NFU1: variants seen among roughly 807,000 people sequenced by gnomAD.
The protein encoded by NFU1 is NFU1 iron-sulfur cluster scaffold, also known as NFU1 iron-sulfur cluster scaffold homolog, mitochondrial.
NFU1 carries 30 observed loss-of-function variants against 32.2 expected under a neutral mutation model. That is an observed-to-expected ratio of 0.93 (90% CI 0.70 to 1.26). The LOEUF (loss-of-function observed/expected upper bound fraction) is 1.26. Ranked by LOEUF, NFU1 falls within the 50% of genes most tolerant of loss-of-function variation. The pLI, the probability that NFU1 is intolerant of heterozygous loss-of-function variation, is 0.00. For synonymous variants in NFU1, 112 were observed against 104.6 expected, an observed-to-expected ratio of 1.07 and a Z score of -0.43; for missense variants, 306 against 306.6, an observed-to-expected ratio of 1.00 and a Z score of 0.02.
intron 5 of NFU1, among the ~76,000 whole-genome samples, chr2:69,406,873 C>A (rs1289185873): frequency 6.6e-6 from 1 of 152,126 alleles, no homozygotes; most frequent in African/African-American, 2.4e-5. Context: ...TGGGAGGTAA[C>A]TGAATCATGG....
intron 6 of NFU1, among the ~76,000 whole-genome samples, chr2:69,405,560 T>C (rs1192063256): frequency 6.6e-6 from 1 of 152,214 alleles, no homozygotes; most frequent in Non-Finnish European, 1.5e-5. Context: ...TTCTTTTTAT[T>C]GTACTTTATC....
intron 7 of NFU1, among the ~76,000 whole-genome samples, chr2:69,398,092 C>T (rs544495452): frequency 2.4e-4 from 37 of 152,214 alleles, no homozygotes; most frequent in African/African-American, 7.9e-4. Context: ...TCAACCAACT[C>T]ATATTTTAGG....
intron 5 of NFU1, among the ~76,000 whole-genome samples, chr2:69,407,784 A>C (rs1672747129): frequency 1.3e-5 from 2 of 151,898 alleles, no homozygotes; most frequent in Admixed American, 6.6e-5. Context: ...AGGCTGAGGC[A>C]GACGCGTCAC....
At chr2:69,438,763 T>A (rs1276090557), upstream of NFU1, among the ~76,000 whole-genome samples, 2 of 152,002 alleles carry the variant, frequency 1.3e-5, no homozygotes, top group African/African-American at 2.4e-5. Context: ...GGCCTGCAGC[T>A]CGCCCGGGCC....
intron 1 of NFU1, among the ~76,000 whole-genome samples, chr2:69,434,421 C>T (rs1254517304): frequency 6.6e-6 from 1 of 152,158 alleles, no homozygotes; most frequent in Non-Finnish European, 1.5e-5. Context: ...GGATTACAGG[C>T]GTGAGCCACA....
intron 2 of NFU1, among the ~76,000 whole-genome samples, chr2:69,428,022 C>CAAAAAGA (rs986603563): frequency 6.6e-6 from 1 of 151,474 alleles, no homozygotes; most frequent in Admixed American, 6.6e-5. Flanking sequence ...GACTCTGTCT[C>CAAAAAGA]AAAAAGAAAA....
At chr2:69,405,561 G>C (rs537368497) in intron 6 of NFU1, among the ~76,000 whole-genome samples, 5 of 152,196 alleles carry the variant, frequency 3.3e-5, no homozygotes, top group African/African-American at 4.8e-5. Context: ...TCTTTTTATT[G>C]TACTTTATCC....
intron 2 of NFU1, among the ~76,000 whole-genome samples, 200 bp from the exon 3 acceptor site, chr2:69,423,917 G>GT (rs1673353707): frequency 6.6e-6 from 1 of 151,898 alleles, no homozygotes; most frequent in Admixed American, 6.6e-5. Context: ...GCTCACACCT[G>GT]TAATCCCAGC....
At chr2:69,437,498 G>A (rs764768943), upstream of NFU1, 23 of 1,546,962 alleles carry the variant, frequency 1.5e-5, no homozygotes, top group East Asian at 2.4e-5. Flanking sequence ...GCCGGTAGCT[G>A]GGCGGGCACT....
intron 3 of NFU1, among the ~76,000 whole-genome samples, chr2:69,420,801 A>G (rs2104784607): frequency 6.6e-6 from 1 of 152,362 alleles, no homozygotes; most frequent in South Asian, 2.1e-4. Context: ...AGATGAAGAA[A>G]GGAAATTTAA....
Position 69,415,264 on chromosome 2 carries a change from T to C in NFU1, c.405A>G (p.Pro135=). Residue 135 remains proline (P), a synonymous_variant, in exon 5 of 8, where the codon CCA becomes CCG. Transcript: ENST00000410022. ...AGTCCATGATTGTTGCATAAATATC[T>C]GGTTTCAGTAAATTCCAGTCTAATT... ...NEELDWNLLK[P]DIYATIMDFF... The C allele has an allele frequency of 6.2e-7, 1 of 1,612,346 alleles. No homozygotes were observed. Among genetic ancestry groups the C allele is most frequent in the Non-Finnish European group, 8.5e-7 (1 of 1,178,522 alleles).
At chr2:69,432,069 A>C in intron 1 of NFU1, 64 bp from the exon 2 acceptor site, 2 of 1,064,168 alleles carry the variant, frequency 1.9e-6, no homozygotes, top group Non-Finnish European at 2.9e-6. Context: ...GTTGGTTTCT[A>C]CTTCTCATGT....
chr2:69,408,173 G>A (rs560725524), intron 5 of NFU1, among the ~76,000 whole-genome samples: 4 of 152,130 alleles, frequency 2.6e-5, no homozygotes, highest in South Asian at 4.1e-4. Flanking sequence ...TTCCCAGCAC[G>A]TGTTTACATT....
At chr2:69,398,753 A>G (rs1672417398) in intron 7 of NFU1, among the ~76,000 whole-genome samples, 1 of 152,122 alleles carries the variant, frequency 6.6e-6, no homozygotes, top group Non-Finnish European at 1.5e-5. Context: ...AGTCCCTATT[A>G]AATGTTTCTT....
At chr2:69,410,883 C>T (rs1012306504) in intron 5 of NFU1, 2 of 152,012 alleles carry the variant, frequency 1.3e-5, no homozygotes, top group East Asian at 3.8e-4. Context: ...TTTTTAGAGA[C>T]TTTACAAGAT....
intron 7 of NFU1, among the ~76,000 whole-genome samples, chr2:69,396,940 TG>T (rs761153206): frequency 1.2e-3 from 178 of 150,114 alleles, no homozygotes; most frequent in Non-Finnish European, 2.0e-3. Context: ...GTCGTGGTGG[TG>T]GGCGCCTGTA....
rs1355589182 is a variant in NFU1, at chr2:69,415,185, C to A, written c.484G>T (p.Gly162Ter). ...TTAATTACTCAATACAACATGTTAC[C>A]TGCTTCTCCTGAAGGTGTTTCCTCA... is the stretch of plus-strand genomic sequence containing the variant. ...VTEETPSGEA[G>*]SEEDDEVVAM... is the part of the protein sequence containing the mutation. The change falls in exon 5 of 8, where the codon GGA (glycine) becomes TGA (stop). Residue 162 changes from glycine to a stop codon, truncating the protein, a stop_gained and splice_region_variant. Transcript: ENST00000410022. LOFTEE classifies it high-confidence loss of function. 1 of 1,555,420 alleles carries A rather than the reference C, an allele frequency of 6.4e-7. No individual in the cohort carries two copies. The highest frequency in any genetic ancestry group is 8.9e-7 in the Non-Finnish European group (1 of 1,126,750).
At chr2:69,406,947 A>G (rs1303982197) in intron 5 of NFU1, among the ~76,000 whole-genome samples, 1 of 152,092 alleles carries the variant, frequency 6.6e-6, no homozygotes, top group African/African-American at 2.4e-5. Flanking sequence ...TGATCGTTTT[A>G]TAAGGAACTT....
chr2:69,427,312 G>A (rs1199943360), intron 2 of NFU1, among the ~76,000 whole-genome samples: 2 of 151,378 alleles, frequency 1.3e-5, no homozygotes, highest in African/African-American at 4.9e-5. Flanking sequence ...TTGAACCTGG[G>A]AGGCAGAGGT....
Sources: gnomAD v4.1 joint callset for allele counts (sites outside exome capture counted in the v4.1 genomes callset) on GRCh38, gnomAD v4.1.1 for gene constraint, MANE v1.5 for transcripts, NCBI Gene and HGNC (gene_info 2026-07-23, HGNC 2026-07-21) for gene names.